The following CTXND1 variants were observed in gnomAD, a reference collection of about 807,000 sequenced individuals.
CTXND1 encodes cortexin domain-containing 1 protein.
At chr15:80,206,661 T>C (rs1286561819) in intron 1 of CTXND1, among the ~76,000 whole-genome samples, 5 of 152,236 alleles carry the variant, frequency 3.3e-5, no homozygotes, top group Non-Finnish European at 7.3e-5. Context: ...TCAGTTTCTG[T>C]AATTTGAATT....
Position 80,197,817 on chromosome 15 carries a change from G to C in CTXND1, c.*3953C>G, listed in dbSNP as rs1157000491. On this transcript the variant is annotated 3_prime_UTR_variant, in exon 3 of 3. Transcript: ENST00000560778. Reference sequence around the variant, plus strand: ...CAAACTTTGTAGTTCTCTTCACTTGGTGTTTGAAAGCAGGGCCAGCCCCTT... The same window carrying C: ...CAAACTTTGTAGTTCTCTTCACTTGCTGTTTGAAAGCAGGGCCAGCCCCTT... 2 of 152,216 alleles carry C rather than the reference G, an allele frequency of 1.3e-5. No individual in the cohort carries two copies. The highest frequency in any genetic ancestry group is 2.4e-5 in the African/African-American group (1 of 41,430). 9.4% of individuals were successfully genotyped at this position (152,216 alleles called of 1,614,324 possible).
At chr15:80,219,386 A>G (rs1344189317) in intron 1 of CTXND1, among the ~76,000 whole-genome samples, 1 of 152,154 alleles carries the variant, frequency 6.6e-6, no homozygotes, top group African/African-American at 2.4e-5. Flanking sequence ...CCACTACTGC[A>G]TAGTATTCTG....
In CTXND1 at chr15:80,234,975, G is replaced by T. The variant is rs1030141455; in HGVS notation, c.-218+17032C>A. Among the ~76,000 whole-genome samples, 7 of 137,222 alleles carry T rather than the reference G, an allele frequency of 5.1e-5. No individual in the cohort carries two copies. In the Admixed American group the frequency reaches 5.4e-4, roughly 11 times the overall value. 90.0% of individuals were successfully genotyped at this position (137,222 alleles called of 152,430 possible). A position where few individuals can be genotyped will look rare whatever the true frequency, so the allele number is the denominator to read the frequency against. Reference sequence around the variant, plus strand: ...TGCAGAGAGCAGCAGGCTGAGGTTCGGTCCCCAGAGTTTGAGTTATGACTC... The same window carrying T: ...TGCAGAGAGCAGCAGGCTGAGGTTCTGTCCCCAGAGTTTGAGTTATGACTC... On this transcript the variant is annotated intron_variant, in intron 1 of 2. Coordinates refer to ENST00000560778, the MANE Select transcript of CTXND1 (RefSeq NM_001352888.2).
At chr15:80,217,298 G>T (rs1164238978) in intron 1 of CTXND1, among the ~76,000 whole-genome samples, 1 of 152,022 alleles carries the variant, frequency 6.6e-6, no homozygotes, top group Admixed American at 6.5e-5. Flanking sequence ...TCTTAATATA[G>T]AACCAATTTT....
intron 1 of CTXND1, among the ~76,000 whole-genome samples, chr15:80,206,101 A>T (rs1004044552): frequency 6.6e-6 from 1 of 152,226 alleles, no homozygotes; most frequent in African/African-American, 2.4e-5. Flanking sequence ...GCTGCATTTT[A>T]AAAATTTCAT....
intron 1 of CTXND1, among the ~76,000 whole-genome samples, chr15:80,213,895 T>C (rs59756795): frequency 0.29 from 43,804 of 151,994 alleles, 6,401 homozygotes; most frequent in East Asian, 0.39. Context: ...CAAAAACCTT[T>C]CTAGCAATAA....
At chr15:80,204,651 A>G (rs1051276593) in intron 1 of CTXND1, among the ~76,000 whole-genome samples, 6 of 40,956 alleles carry the variant, frequency 1.5e-4, no homozygotes, top group Admixed American at 1.1e-3. Context: ...TCCATTGTAT[A>G]TATATATATA....
chr15:80,202,405 A>G (rs1893089009), intron 2 of CTXND1, among the ~76,000 whole-genome samples: 1 of 152,186 alleles, frequency 6.6e-6, no homozygotes, highest in African/African-American at 2.4e-5. Flanking sequence ...CCAAGCCACT[A>G]TCTGAGGGTG....
At chr15:80,228,043 C>T (rs916210562) in intron 1 of CTXND1, among the ~76,000 whole-genome samples, 1 of 152,232 alleles carries the variant, frequency 6.6e-6, no homozygotes, top group Non-Finnish European at 1.5e-5. Context: ...CCTTGGATGT[C>T]ATTTCAACAA....
intron 1 of CTXND1, among the ~76,000 whole-genome samples, chr15:80,251,324 AC>A (rs1461339802): frequency 1.3e-5 from 2 of 152,192 alleles, no homozygotes; most frequent in Non-Finnish European, 2.9e-5. Context: ...CTCCACTGAT[AC>A]GGAAAAATAT....
rs930707545 is a variant in CTXND1, at chr15:80,201,480, A to G, written c.*290T>C. The G allele has an allele frequency of 5.7e-5, 17 of 297,462 alleles. No homozygotes were observed. Among genetic ancestry groups the G allele is most frequent in the Non-Finnish European group, 9.2e-5 (15 of 162,230 alleles). The allele number at this position is 297,462 out of a possible 1,614,324, so 18.4% of individuals were successfully genotyped here. On this transcript the variant is annotated 3_prime_UTR_variant, in exon 3 of 3. Transcript: ENST00000560778. ...TGCCCAGGAACCTGGGAAGGTGACT[A>G]CCCTATCATCTCACAGGGACTCCCC... is the stretch of plus-strand genomic sequence containing the variant.
intron 1 of CTXND1, among the ~76,000 whole-genome samples, chr15:80,228,729 A>G (rs1287277918): frequency 6.7e-6 from 1 of 149,932 alleles, no homozygotes; most frequent in African/African-American, 2.5e-5. Context: ...TCCCAGGTTC[A>G]AGCAATTCTC....
At chr15:80,225,859 C>T (rs141906068) in intron 1 of CTXND1, among the ~76,000 whole-genome samples, 3 of 152,176 alleles carry the variant, frequency 2.0e-5, no homozygotes, top group African/African-American at 4.8e-5. Context: ...GCTGGTTATC[C>T]TCATTTTTTT....
rs534516471 is a variant in CTXND1, at chr15:80,250,756, C to T, written c.-218+1251G>A. Among the ~76,000 whole-genome samples, 3 of 152,148 alleles carry T rather than the reference C, an allele frequency of 2.0e-5. 1 individual carries two copies. Among genetic ancestry groups the T allele is most frequent in the Non-Finnish European group, 4.4e-5 (3 of 68,030 alleles). ...TGCTGAGCCATCCCTGAAAAGGTAGCCTTAATCAAAATCTAATCTATAAAT... is the reference window on the plus strand; with the variant it reads ...TGCTGAGCCATCCCTGAAAAGGTAGTCTTAATCAAAATCTAATCTATAAAT... On this transcript the variant is annotated intron_variant, in intron 1 of 2. Transcript: ENST00000560778.
intron 1 of CTXND1, among the ~76,000 whole-genome samples, chr15:80,239,265 T>C (rs1353042534): frequency 1.3e-5 from 2 of 152,216 alleles, no homozygotes; most frequent in African/African-American, 4.8e-5. Flanking sequence ...CTCTCCATCC[T>C]ATGCCCTCTG....
At chr15:80,213,964 G>A (rs1893226692) in intron 1 of CTXND1, among the ~76,000 whole-genome samples, 1 of 63,998 alleles carries the variant, frequency 1.6e-5, no homozygotes, top group African/African-American at 7.2e-5. Flanking sequence ...AATAAATGAA[G>A]GGAGGAAAGG....
chr15:80,238,945 C>T (rs1893534710), intron 1 of CTXND1, among the ~76,000 whole-genome samples: 1 of 152,240 alleles, frequency 6.6e-6, no homozygotes. Context: ...ATGATGTTCA[C>T]ATAAGAACGA....
intron 1 of CTXND1, among the ~76,000 whole-genome samples, chr15:80,214,700 T>G (rs1893234203): frequency 6.6e-6 from 1 of 152,082 alleles, no homozygotes; most frequent in Non-Finnish European, 1.5e-5. Context: ...TTAAATGTAG[T>G]GAAACAAGGA....
intron 1 of CTXND1, among the ~76,000 whole-genome samples, chr15:80,236,194 A>G (rs1417886221): frequency 6.6e-6 from 1 of 151,644 alleles, no homozygotes; most frequent in African/African-American, 2.4e-5. Context: ...CTTCCTTTCA[A>G]GGTTGGCCCG....
Sources: gnomAD v4.1 joint callset for allele counts (sites outside exome capture counted in the v4.1 genomes callset) on GRCh38, gnomAD v4.1.1 for gene constraint, MANE v1.5 for transcripts, NCBI Gene and HGNC (gene_info 2026-07-23, HGNC 2026-07-21) for gene names.